Variants in LMO7 observed in about 807,000 individuals in gnomAD.
LMO7 encodes LIM domain only protein 7.
Under a neutral mutation model 206.5 loss-of-function variants are expected in LMO7, and 120 were observed. The observed-to-expected ratio is 0.58, with a 90% CI of 0.50 to 0.68. The LOEUF is 0.68. Among genes scored for constraint, LMO7 ranks in the 30% least tolerant of loss-of-function variants. LMO7 has a pLI of 0.00. For missense variants in LMO7, 1,959 were observed against 1,957.9 expected, an observed-to-expected ratio of 1.00 and a Z score of -0.01; for synonymous variants, 706 against 681.5, an observed-to-expected ratio of 1.04 and a Z score of -0.56.
intron 1 of LMO7, among the ~76,000 whole-genome samples, chr13:75,700,909 T>G (rs2042243661): frequency 1.3e-5 from 2 of 152,246 alleles, no homozygotes; most frequent in Non-Finnish European, 2.9e-5. Context: ...TGTGGGTAAC[T>G]GCAACTACAG....
intron 2 of LMO7, among the ~76,000 whole-genome samples, chr13:75,725,104 A>G (rs1022635355): frequency 6.6e-6 from 1 of 152,104 alleles, no homozygotes; most frequent in African/African-American, 2.4e-5. Flanking sequence ...CCCTTGGCTG[A>G]CCAAATTGAG....
intron 4 of LMO7, among the ~76,000 whole-genome samples, chr13:75,778,869 T>C (rs1434911685): frequency 1.3e-5 from 2 of 152,156 alleles, no homozygotes; most frequent in Non-Finnish European, 2.9e-5. Context: ...TTAAAACATG[T>C]ATTACTATAC....
intron 15 of LMO7, among the ~76,000 whole-genome samples, chr13:75,825,398 A>G (rs937108066): frequency 3.3e-5 from 5 of 152,170 alleles, no homozygotes; most frequent in African/African-American, 1.2e-4. Context: ...TACCTCCCTC[A>G]GGGTGGCAGC....
At chr13:75,731,088 A>G (rs902942554) in intron 3 of LMO7, among the ~76,000 whole-genome samples, 3 of 151,946 alleles carry the variant, frequency 2.0e-5, no homozygotes, top group African/African-American at 7.3e-5. Context: ...TGTGGTGCTG[A>G]AAAAAATGTA....
At chr13:75,770,403 G>C (rs1244432917) in intron 4 of LMO7, among the ~76,000 whole-genome samples, 1 of 151,966 alleles carries the variant, frequency 6.6e-6, no homozygotes, top group Non-Finnish European at 1.5e-5. Context: ...CTCAGTTGTG[G>C]ACCTTTTGTC....
Position 75,817,201 on chromosome 13 carries a change from A to C in LMO7, c.1987A>C (p.Asn663His), listed in dbSNP as rs1463808518. 5.6e-6 allele frequency: 9 copies of C among 1,613,850 alleles called. No individual in the cohort carries two copies. Among genetic ancestry groups the C allele is most frequent in the Non-Finnish European group, 7.6e-6 (9 of 1,179,788 alleles). ...TGATGTCAGCGCAGAAGATGTTCAA[A>C]ACTTGCGTCAGCTGCGTTACGAGGA... ...MSDVSAEDVQ[N>H]LRQLRYEEMQ... The change falls in exon 12 of 31, where the codon AAC (asparagine) becomes CAC (histidine). Residue 663 changes from asparagine (N) to histidine (H), a missense_variant. Coordinates refer to ENST00000377534, the MANE Select transcript of LMO7 (RefSeq NM_001306080.2).
chr13:75,707,297 T>C (rs1458980545), intron 1 of LMO7, among the ~76,000 whole-genome samples: 1 of 152,104 alleles, frequency 6.6e-6, no homozygotes, highest in African/African-American at 2.4e-5. Context: ...TATAGAGTTA[T>C]AGAAATTGGG....
upstream of LMO7, among the ~76,000 whole-genome samples, chr13:75,635,419 C>G (rs537289847): frequency 6.6e-6 from 1 of 152,166 alleles, no homozygotes. Flanking sequence ...CAAGCCGACC[C>G]GTGTGCCTCC....
At chr13:75,644,118 C>T (rs753231886) in intron 1 of LMO7, among the ~76,000 whole-genome samples, 21 of 151,824 alleles carry the variant, frequency 1.4e-4, no homozygotes, top group Non-Finnish European at 2.8e-4. Flanking sequence ...ACTTGAATAG[C>T]GAGTTACCTG....
In LMO7 at chr13:75,841,726, A is replaced by G; in HGVS notation, c.3774A>G (p.Ser1258=). 1 of 1,614,118 alleles carries G rather than the reference A, an allele frequency of 6.2e-7. No homozygotes were observed. The change falls in exon 24 of 31, where the codon TCA becomes TCG. Residue 1258 remains serine (S), a synonymous_variant. Transcript: ENST00000377534. ...EATWSEGSKS[S]DREGTRAGEE... ...CCTGGAGTGAAGGGTCCAAGTCTTC[A>G]GACAGAGAAGGAACCCGAGCAGGAG... is the stretch of plus-strand genomic sequence containing the variant.
intron 3 of LMO7, among the ~76,000 whole-genome samples, chr13:75,731,643 T>C (rs897976782): frequency 9.2e-5 from 14 of 152,262 alleles, no homozygotes; most frequent in African/African-American, 3.4e-4. Flanking sequence ...AAAGTTAATA[T>C]TGTTATGTGT....
At chr13:75,673,260 A>G (rs926037914) in intron 1 of LMO7, among the ~76,000 whole-genome samples, 22 of 152,062 alleles carry the variant, frequency 1.4e-4, no homozygotes, top group African/African-American at 5.3e-4. Flanking sequence ...CATCTACTTG[A>G]TACTCTCATT....
At chr13:75,836,057 A>G (rs1306281563) in intron 18 of LMO7, among the ~76,000 whole-genome samples, 1 of 152,116 alleles carries the variant, frequency 6.6e-6, no homozygotes, top group Admixed American at 6.6e-5. Context: ...TTGTATAAGA[A>G]ATGTTTAAGT....
intron 4 of LMO7, among the ~76,000 whole-genome samples, chr13:75,771,574 A>G (rs1471378410): frequency 2.0e-5 from 3 of 152,230 alleles, no homozygotes; most frequent in Non-Finnish European, 4.4e-5. Context: ...TAAAGACTTT[A>G]AAAACAGAAT....
chr13:75,695,161 A>G (rs899477487), intron 1 of LMO7, among the ~76,000 whole-genome samples: 1 of 152,232 alleles, frequency 6.6e-6, no homozygotes, highest in Non-Finnish European at 1.5e-5. Flanking sequence ...GGCAGAATCC[A>G]TGTATAACCT....
chr13:75,677,354 G>A (rs998227538), intron 1 of LMO7, among the ~76,000 whole-genome samples: 1 of 152,152 alleles, frequency 6.6e-6, no homozygotes, highest in Non-Finnish European at 1.5e-5. Flanking sequence ...GTAAACTGAA[G>A]ATCTGTCATA....
chr13:75,855,045 G>C (rs1232666747), intron 28 of LMO7: 4 of 477,930 alleles, frequency 8.4e-6, no homozygotes, highest in Non-Finnish European at 1.1e-5. Flanking sequence ...TATGTGAATA[G>C]GTGTCAAGGG....
intron 3 of LMO7, among the ~76,000 whole-genome samples, chr13:75,747,237 AC>A (rs574129685): frequency 2.6e-5 from 4 of 152,094 alleles, no homozygotes; most frequent in Non-Finnish European, 4.4e-5. Flanking sequence ...TATCCATGGC[AC>A]CTCACTGATA....
At chr13:75,729,796 T>C (rs9573641) in intron 3 of LMO7, among the ~76,000 whole-genome samples, 71,176 of 144,980 alleles carry the variant, frequency 0.49, 18,596 homozygotes, top group African/African-American at 0.69. Flanking sequence ...TTTTGAGATA[T>C]GTCCCATCAA....
Sources: gnomAD v4.1 joint callset for allele counts (sites outside exome capture counted in the v4.1 genomes callset) on GRCh38, gnomAD v4.1.1 for gene constraint, MANE v1.5 for transcripts, NCBI Gene and HGNC (gene_info 2026-07-23, HGNC 2026-07-21) for gene names.